GIGYF1: variants seen among roughly 807,000 people sequenced by gnomAD.
GIGYF1 encodes GRB10 interacting GYF protein 1, also known as GRB10-interacting GYF protein 1.
A neutral mutation model predicts 147.1 loss-of-function variants in GIGYF1; 84 were observed. The observed-to-expected ratio is 0.57, with a 90% CI of 0.48 to 0.68. The LOEUF (loss-of-function observed/expected upper bound fraction) is 0.68, where lower values mean the gene tolerates loss of function less well. Among genes scored for constraint, GIGYF1 ranks in the 30% least tolerant of loss-of-function variants. The pLI is 0.00. For missense variants in GIGYF1, 1,485 were observed against 1,393.7 expected, an observed-to-expected ratio of 1.07 and a Z score of -1.04; for synonymous variants, 752 against 589.5, an observed-to-expected ratio of 1.28 and a Z score of -3.99.
rs188458074 is a variant in GIGYF1, at chr7:100,694,204, C to T, written c.-1193G>A. Among the ~76,000 whole-genome samples the T allele has an allele frequency of 3.3e-3, 482 of 145,612 alleles. 22 individuals are homozygous for T. In the East Asian group the frequency reaches 0.086, roughly 26 times the overall value. On this transcript the variant is annotated 5_prime_UTR_variant, in exon 1 of 27. Coordinates refer to ENST00000678049, the MANE Select transcript of GIGYF1 (RefSeq NM_001375765.1). ...CGGCGGCTAGCAGCGGGGGAGGGGG[C>T]GCTGGCGCTCCCGCGGCGGCCGCTC...
Position 100,682,182 on chromosome 7 carries a change from C to CGTG in GIGYF1, c.2812_2814dup (p.His938dup). ...TCCCCCAGGCAGGAACGGATATAAT[C>CGTG]GTGGACATCATAGGGGGATTCCACC... On this transcript the variant is annotated inframe_insertion, in exon 25 of 27. Transcript: ENST00000678049. The CGTG allele has an allele frequency of 6.2e-7, 1 of 1,613,796 alleles. No homozygotes were observed. The highest frequency in any genetic ancestry group is 8.5e-7 in the Non-Finnish European group (1 of 1,179,952).
In GIGYF1 at chr7:100,680,775, CGCCGCTCACAGGGGTGAG is replaced by C. The variant is rs1562864476; in HGVS notation, c.*926_*943del. ...AGCCTCTGGAGCAATCATCCACCCC[CGCCGCTCACAGGGGTGAG>C]GCAGCTCAGGCAGGGGTGAGGCGGG... On this transcript the variant is annotated 3_prime_UTR_variant, in exon 27 of 27. Transcript: ENST00000678049. 4 of 152,806 alleles carry C rather than the reference CGCCGCTCACAGGGGTGAG, an allele frequency of 2.6e-5. No individual in the cohort carries two copies. Among genetic ancestry groups the C allele is most frequent in the African/African-American group, 9.6e-5 (4 of 41,460 alleles). The allele number at this position is 152,806 out of a possible 1,614,324, so 9.5% of individuals were successfully genotyped here.
Position 100,691,508 on chromosome 7 carries a change from T to G in GIGYF1, c.-1098-1953A>C, listed in dbSNP as rs538503919. Among the ~76,000 whole-genome samples, 4 of 151,624 alleles carry G rather than the reference T, an allele frequency of 2.6e-5. No homozygotes were observed. The East Asian group carries it at 7.8e-4, about 29-fold the overall frequency. ...GAAAATCTTTGAGAAAAGAATAGAT[T>G]TTTTTTTTTTAAGAAAAACTGCCTA... On this transcript the variant is annotated intron_variant, in intron 1 of 26. Transcript: ENST00000678049.
intron 9 of GIGYF1, 87 bp downstream of exon 9, chr7:100,686,919 A>G: frequency 6.2e-7 from 1 of 1,604,802 alleles, no homozygotes; most frequent in Non-Finnish European, 8.5e-7. Flanking sequence ...TCCTGCCCCC[A>G]ACACCTCCGA....
At chr7:100,692,406 A>G (rs930924219) in intron 1 of GIGYF1, among the ~76,000 whole-genome samples, 1 of 152,234 alleles carries the variant, frequency 6.6e-6, no homozygotes, top group Non-Finnish European at 1.5e-5. Context: ...CTGCTCCGAC[A>G]GCGTGCCCCG....
chr7:100,682,028 G>C lies in GIGYF1; in HGVS notation c.2926-35C>G, dbSNP rs776878467. The C allele has an allele frequency of 1.2e-5, 19 of 1,610,228 alleles. No individual in the cohort carries two copies. The African/African-American group carries it at 2.4e-4, about 20-fold the overall frequency. On this transcript the variant is annotated intron_variant, in intron 25 of 26. Transcript: ENST00000678049. Reference sequence around the variant, plus strand: ...CGGAGAGGAGGGTGAAGGTCAGGAGGCACCAGGCAAGCCCACCCCAGCTGC... The same window carrying C: ...CGGAGAGGAGGGTGAAGGTCAGGAGCCACCAGGCAAGCCCACCCCAGCTGC...
At chr7:100,686,100 G>T in intron 11 of GIGYF1, 21 bp from the exon 12 acceptor site, 2 of 1,602,522 alleles carry the variant, frequency 1.2e-6, no homozygotes, top group Non-Finnish European at 1.7e-6. Flanking sequence ...CCGGGGTGGG[G>T]AGCAGAGAAC....
chr7:100,690,885 C>G (rs1352532156), intron 1 of GIGYF1, among the ~76,000 whole-genome samples: 1 of 151,958 alleles, frequency 6.6e-6, no homozygotes, highest in Non-Finnish European at 1.5e-5. Flanking sequence ...AGTCACCCAT[C>G]CTGGCTGTGT....
chr7:100,684,962 T>G, intron 14 of GIGYF1, 68 bp from the exon 15 acceptor site: 1 of 1,582,448 alleles, frequency 6.3e-7, no homozygotes, highest in Non-Finnish European at 8.6e-7. Flanking sequence ...GGGATGGGGA[T>G]GGAGCTTGAG....
rs780225967 is a variant in GIGYF1 at position 100,684,513 on chromosome 7, G to A, written c.1566C>T (p.Gly522=). The A allele has an allele frequency of 9.9e-6, 16 of 1,613,790 alleles. No individual in the cohort carries two copies. The highest frequency in any genetic ancestry group is 2.7e-5 in the African/African-American group (2 of 74,930). ...CGCGGCCCCACATCTTGATCACCTCGCCCAGCGGCTGGAAGCCCTCATCGC... is the reference window on the plus strand; with the variant it reads ...CGCGGCCCCACATCTTGATCACCTCACCCAGCGGCTGGAAGCCCTCATCGC... The part of the protein sequence containing the change: ...RGCDEGFQPL[G]EVIKMWGRVP... Residue 522 remains glycine, a synonymous_variant, in exon 16 of 27, where the codon GGC becomes GGT. Transcript: ENST00000678049.
intron 1 of GIGYF1, among the ~76,000 whole-genome samples, chr7:100,690,783 A>AAC (rs1304545273): frequency 2.0e-5 from 3 of 146,406 alleles, no homozygotes; most frequent in Admixed American, 1.3e-4. Flanking sequence ...CTCTGTCTCA[A>AAC]AAAAAAAAAA....
chr7:100,689,966 CA>C (rs2131398167), intron 1 of GIGYF1, among the ~76,000 whole-genome samples: 1 of 152,232 alleles, frequency 6.6e-6, no homozygotes, highest in Non-Finnish European at 1.5e-5. Flanking sequence ...GGGCAGCCAC[CA>C]GGGGCTGAGG....
chr7:100,686,465 G>A, intron 10 of GIGYF1, 32 bp from the exon 11 acceptor site: 2 of 1,552,698 alleles, frequency 1.3e-6, no homozygotes, highest in East Asian at 2.3e-5. Context: ...GAAGAAGAGT[G>A]GGTACCCAAG....
Position 100,682,312 on chromosome 7 carries a change from G to A in GIGYF1, c.2761+10C>T, listed in dbSNP as rs777780748. 6.2e-6 allele frequency: 10 copies of A among 1,610,104 alleles called. No individual in the cohort carries two copies. The African/African-American group carries it at 9.3e-5, about 15-fold the overall frequency. ...AGGTCCCGCCCACCTCCTGGGAGCC[G>A]CTCGCCCACCGTCCAGGCTGCCCGT... On this transcript the variant is annotated intron_variant, in intron 24 of 26. Transcript: ENST00000678049.
Position 100,684,262 on chromosome 7 carries a change from G to A in GIGYF1, c.1705C>T (p.Gln569Ter), listed in dbSNP as rs771276853. The change falls in exon 17 of 27, where the codon CAG (glutamine) becomes TAG (stop). Residue 569 changes from glutamine to a stop codon, truncating the protein, a stop_gained. Transcript: ENST00000678049. LOFTEE classifies it high-confidence loss of function. Reference sequence around the variant, plus strand: ...CTGCTGACCAGCTGGAGAAACTGCTGGTGCTGCAGCTGCTGGTACAAGGCC... The same window carrying A: ...CTGCTGACCAGCTGGAGAAACTGCTAGTGCTGCAGCTGCTGGTACAAGGCC... ...AAALYQQLQH[Q>*]QFLQLVSSRQ... 1 of 1,609,346 alleles carries A rather than the reference G, an allele frequency of 6.2e-7. No individual in the cohort carries two copies. Among genetic ancestry groups the A allele is most frequent in the African/African-American group, 1.3e-5 (1 of 74,986 alleles).
intron 3 of GIGYF1, 63 bp from the exon 4 acceptor site, chr7:100,688,370 A>T (rs943767963): frequency 1.3e-6 from 1 of 796,278 alleles, no homozygotes; most frequent in Non-Finnish European, 2.1e-6. Context: ...CGCAGGGAGG[A>T]CACCATGGGG....
chr7:100,686,511 G>GC, intron 10 of GIGYF1, 78 bp from the exon 11 acceptor site: 1 of 1,522,524 alleles, frequency 6.6e-7, no homozygotes. Flanking sequence ...AGCTCACGGA[G>GC]CACCTCCAGG....
intron 12 of GIGYF1, 69 bp downstream of exon 12, chr7:100,685,905 C>T (rs1401787268): frequency 1.5e-6 from 2 of 1,359,354 alleles, no homozygotes; most frequent in Non-Finnish European, 2.1e-6. Context: ...CAGCCAATGC[C>T]CAGCCCGGCA....
chr7:100,682,698 C>T lies in GIGYF1; in HGVS notation c.2492G>A (p.Ser831Asn), dbSNP rs1419937923. Reference sequence around the variant, plus strand: ...CCCCAGGCCGCTGCTGCCGCCCCCACTCTTGTCTGGCCCGCCCCACAGTGG... The same window carrying T: ...CCCCAGGCCGCTGCTGCCGCCCCCATTCTTGTCTGGCCCGCCCCACAGTGG... ...AGPLWGGPDK[S>N]GGGSSGLGLW... The change falls in exon 23 of 27, where the codon AGT becomes AAT. Residue 831 changes from serine (S) to asparagine (N), a missense_variant. Physicochemically the swap from Ser to Asn is conservative, Grantham distance 46. Transcript: ENST00000678049. 6.3e-7 allele frequency: 1 copy of T among 1,596,936 alleles called. No individual in the cohort carries two copies. The highest frequency in any genetic ancestry group is 1.7e-4 in the Middle Eastern group (1 of 5,962).
Sources: allele counts gnomAD v4.1 joint callset (sites outside exome capture counted in the v4.1 genomes callset), GRCh38; gene constraint gnomAD v4.1.1; transcripts MANE v1.5; gene names NCBI Gene and HGNC (gene_info 2026-07-23, HGNC 2026-07-21).